TMEM150C: variants seen among roughly 807,000 people sequenced by gnomAD.
TMEM150C encodes tentonin 3.
A neutral mutation model predicts 29.9 loss-of-function variants in TMEM150C; 10 were observed. The observed-to-expected ratio is 0.33, with a 90% CI of 0.21 to 0.57. The LOEUF (loss-of-function observed/expected upper bound fraction) is 0.57. TMEM150C is among the 20% of genes least tolerant of loss of function. TMEM150C has a pLI of 0.88. For missense variants in TMEM150C, 251 were observed against 303.6 expected, an observed-to-expected ratio of 0.83 and a Z score of 1.29; for synonymous variants, 101 against 112.5, an observed-to-expected ratio of 0.90 and a Z score of 0.64.
chr4:82,532,779 A>T (rs1004584610), intron 1 of TMEM150C, among the ~76,000 whole-genome samples: 7 of 150,198 alleles, frequency 4.7e-5, no homozygotes, highest in Admixed American at 1.3e-4. Flanking sequence ...CCCAGGCTGG[A>T]GTGCAGTGGC....
At chr4:82,525,183 T>C (rs145031361) in intron 1 of TMEM150C, among the ~76,000 whole-genome samples, 2 of 152,304 alleles carry the variant, frequency 1.3e-5, no homozygotes, top group East Asian at 3.9e-4. Flanking sequence ...TTTCAATGAA[T>C]AGAAACTTTA....
At position 82,502,802 on chromosome 4, in the gene TMEM150C, A is replaced by C. The variant is rs753454828; in HGVS notation, c.168-8T>G. The C allele has an allele frequency of 6.3e-7, 1 of 1,598,224 alleles. No individual in the cohort carries two copies. The highest frequency in any genetic ancestry group is 8.5e-7 in the Non-Finnish European group (1 of 1,171,536). ...GGATCATCACCTGCAATGCTTGAAA[A>C]AGATGAAATGTTTTATAGTTACTAT... On this transcript the variant is annotated splice_region_variant and splice_polypyrimidine_tract_variant and intron_variant, in intron 4 of 7. Coordinates refer to ENST00000449862, the MANE Select transcript of TMEM150C (RefSeq NM_001080506.3).
chr4:82,508,557 C>T (rs1188931496), intron 1 of TMEM150C, among the ~76,000 whole-genome samples: 2 of 152,052 alleles, frequency 1.3e-5, no homozygotes, highest in Non-Finnish European at 2.9e-5. Flanking sequence ...CCTCTGCCTC[C>T]TGGGTTCAAG....
At chr4:82,533,669 G>A (rs1724921254) in intron 1 of TMEM150C, among the ~76,000 whole-genome samples, 1 of 152,064 alleles carries the variant, frequency 6.6e-6, no homozygotes, top group African/African-American at 2.4e-5. Flanking sequence ...TGGATTGTCA[G>A]GCAGCTTTCT....
At chr4:82,545,704 C>T (rs1008975019) in intron 1 of TMEM150C, among the ~76,000 whole-genome samples, 5 of 152,158 alleles carry the variant, frequency 3.3e-5, no homozygotes, top group Non-Finnish European at 5.9e-5. Context: ...CTGAGGCTGG[C>T]AAATCACTTA....
At chr4:82,485,873 G>C (rs1723144098) in intron 7 of TMEM150C, among the ~76,000 whole-genome samples, 154 bp from the exon 8 acceptor site, 1 of 152,196 alleles carries the variant, frequency 6.6e-6, no homozygotes, top group Non-Finnish European at 1.5e-5. Flanking sequence ...AAATCTATAT[G>C]AATAATAAGT....
In TMEM150C at chr4:82,534,390, A is replaced by G. The variant is rs143350309; in HGVS notation, c.-11+27516T>C. On this transcript the variant is annotated intron_variant, in intron 1 of 7. Transcript: ENST00000449862. ...AGCAAAGTGGCTGAATACAACATAAATATCTAAAAATCAACAGCTTTTCTG... is the reference window on the plus strand; with the variant it reads ...AGCAAAGTGGCTGAATACAACATAAGTATCTAAAAATCAACAGCTTTTCTG... 3.1e-4 allele frequency among the ~76,000 whole-genome samples: 47 copies of G among 152,346 alleles called. No individual in the cohort carries two copies. In the East Asian group the frequency reaches 7.7e-3, roughly 25 times the overall value.
chr4:82,488,236 A>G (rs1723224730), intron 7 of TMEM150C, among the ~76,000 whole-genome samples: 1 of 152,184 alleles, frequency 6.6e-6, no homozygotes, highest in Admixed American at 6.5e-5. Context: ...ATGGTCTCCA[A>G]TTCCAACCAG....
intron 6 of TMEM150C, chr4:82,491,587 C>G: frequency 1.5e-6 from 1 of 646,176 alleles, no homozygotes; most frequent in Non-Finnish European, 2.8e-6. Context: ...TTCATGACAG[C>G]AGGGGCCGGA....
intron 1 of TMEM150C, among the ~76,000 whole-genome samples, chr4:82,529,009 A>G (rs560508958): frequency 6.6e-6 from 1 of 152,136 alleles, no homozygotes; most frequent in Non-Finnish European, 1.5e-5. Flanking sequence ...GGGAGTCTAC[A>G]CAGAGTGGTA....
intron 7 of TMEM150C, among the ~76,000 whole-genome samples, chr4:82,488,294 T>C (rs1723225711): frequency 1.3e-5 from 2 of 152,166 alleles, no homozygotes; most frequent in African/African-American, 2.4e-5. Flanking sequence ...TTCTCTAAGG[T>C]GGGGTCTGAA....
chr4:82,523,779 G>C (rs1352177609), intron 1 of TMEM150C, among the ~76,000 whole-genome samples: 1 of 151,506 alleles, frequency 6.6e-6, no homozygotes, highest in Non-Finnish European at 1.5e-5. Context: ...CTGGGTTCAA[G>C]TGATTCTCCT....
At chr4:82,536,007 G>A (rs762334037) in intron 1 of TMEM150C, among the ~76,000 whole-genome samples, 8 of 152,130 alleles carry the variant, frequency 5.3e-5, no homozygotes, top group South Asian at 4.2e-4. Context: ...GTGTTGTGGG[G>A]AGGGGCAAAA....
At chr4:82,507,766 T>G (rs914400862) in intron 1 of TMEM150C, among the ~76,000 whole-genome samples, 10 of 120,664 alleles carry the variant, frequency 8.3e-5, no homozygotes, top group Non-Finnish European at 1.4e-4. Context: ...TTTTTTTTTT[T>G]GAGACACGAT....
At chr4:82,511,449 A>G (rs1046557373) in intron 1 of TMEM150C, among the ~76,000 whole-genome samples, 2 of 150,966 alleles carry the variant, frequency 1.3e-5, no homozygotes, top group African/African-American at 2.4e-5. Context: ...TCAGAAATCA[A>G]TGGAGCACAT....
chr4:82,484,411 C>CAAAAAA lies in TMEM150C; in HGVS notation c.*1094_*1099dup, dbSNP rs34966322. The CAAAAAA allele has an allele frequency of 7.3e-6, 1 of 137,618 alleles. No homozygotes were observed. Among genetic ancestry groups the CAAAAAA allele is most frequent in the Non-Finnish European group, 1.6e-5 (1 of 62,520 alleles). The allele number at this position is 137,618 out of a possible 1,614,324, so 8.5% of individuals were successfully genotyped here. On this transcript the variant is annotated 3_prime_UTR_variant, in exon 8 of 8. Transcript: ENST00000449862. ...TTCCAAATTTGAAAAGCCCTTAATCCAAAAAAAAAAAAAACCCTACTAAAT... is the reference window on the plus strand; with the variant it reads ...TTCCAAATTTGAAAAGCCCTTAATCCAAAAAAAAAAAAAAAAAAAACCCTACTAAAT...
At chr4:82,542,333 T>C (rs1725225941) in intron 1 of TMEM150C, among the ~76,000 whole-genome samples, 1 of 152,200 alleles carries the variant, frequency 6.6e-6, no homozygotes, top group Admixed American at 6.5e-5. Context: ...TTCAGATCAG[T>C]GGGCAGTAAA....
At chr4:82,497,430 TAAAG>T (rs1723592893) in intron 5 of TMEM150C, among the ~76,000 whole-genome samples, 1 of 152,192 alleles carries the variant, frequency 6.6e-6, no homozygotes, top group Non-Finnish European at 1.5e-5. Context: ...TAGACATTAA[TAAAG>T]AAAATCTATC....
At chr4:82,560,909 G>A (rs1288652508) in intron 1 of TMEM150C, among the ~76,000 whole-genome samples, 1 of 152,124 alleles carries the variant, frequency 6.6e-6, no homozygotes, top group Admixed American at 6.5e-5. Flanking sequence ...ACAGGACCTC[G>A]CATGTAGGAC....
Sources: allele counts gnomAD v4.1 joint callset (sites outside exome capture counted in the v4.1 genomes callset), GRCh38; gene constraint gnomAD v4.1.1; transcripts MANE v1.5; gene names NCBI Gene and HGNC (gene_info 2026-07-23, HGNC 2026-07-21).